Variants in NPC1 observed in about 807,000 individuals in gnomAD.
The protein encoded by NPC1 is Niemann-Pick C1 protein.
In NPC1, 85 loss-of-function variants were observed where a neutral mutation model predicts 140.4. That is an observed-to-expected ratio of 0.61 (90% CI 0.51 to 0.72). NPC1 has a LOEUF of 0.72. Ranked by LOEUF, NPC1 falls within the 30% of genes least tolerant of loss-of-function variation. The probability of loss-of-function intolerance (pLI) is 0.00; values close to 1 mark genes in which losing one functional copy is unlikely to be tolerated. For synonymous variants in NPC1, 656 were observed against 624.8 expected, an observed-to-expected ratio of 1.05 and a Z score of -0.74; for missense variants, 1,504 against 1,623.8, an observed-to-expected ratio of 0.93 and a Z score of 1.27.
chr18:23,580,159 T>C (rs1003521430), intron 1 of NPC1, among the ~76,000 whole-genome samples: 3 of 152,190 alleles, frequency 2.0e-5, no homozygotes, highest in South Asian at 2.1e-4. Flanking sequence ...TCAGATACTC[T>C]ATGCAGTAGC....
intron 1 of NPC1, chr18:23,524,175 G>C: frequency 6.2e-7 from 1 of 1,613,566 alleles, no homozygotes; most frequent in African/African-American, 1.3e-5. Context: ...TGTAAACTCT[G>C]TATCCTTTAC....
chr18:23,553,352 C>T (rs1005236874), intron 9 of NPC1, among the ~76,000 whole-genome samples: 6 of 152,094 alleles, frequency 3.9e-5, no homozygotes, highest in African/African-American at 9.7e-5. Flanking sequence ...TCGTCTGCAC[C>T]GTCTACCCTG....
chr18:23,507,045 A>G, intron 3 of NPC1: 8 of 1,602,434 alleles, frequency 5.0e-6, no homozygotes, highest in Non-Finnish European at 6.8e-6. Flanking sequence ...AGAGGACCTC[A>G]AAGACTGTGG....
At chr18:23,581,189 G>GT (rs1192645362) in intron 1 of NPC1, among the ~76,000 whole-genome samples, 1 of 152,214 alleles carries the variant, frequency 6.6e-6, no homozygotes, top group Non-Finnish European at 1.5e-5. Flanking sequence ...ACTGTCTGCA[G>GT]TTTTTTCCCT....
At chr18:23,550,162 C>T (rs1371584229) in intron 10 of NPC1, among the ~76,000 whole-genome samples, 1 of 151,994 alleles carries the variant, frequency 6.6e-6, no homozygotes, top group African/African-American at 2.4e-5. Context: ...CAAGCATGCA[C>T]CACCATGCCC....
At chr18:23,548,686 A>T (rs2058824598) in intron 10 of NPC1, among the ~76,000 whole-genome samples, 1 of 152,178 alleles carries the variant, frequency 6.6e-6, no homozygotes, top group Non-Finnish European at 1.5e-5. Flanking sequence ...CCAACTGATG[A>T]GTAGTTTTGC....
chr18:23,544,058 ACACATGAT>A (rs2058749281), intron 13 of NPC1, among the ~76,000 whole-genome samples: 2 of 152,334 alleles, frequency 1.3e-5, no homozygotes, highest in East Asian at 3.9e-4. Context: ...CCCTTCTTGT[ACACATGAT>A]ACTATTTAAA....
chr18:23,542,961 C>T (rs2058731978), intron 14 of NPC1, among the ~76,000 whole-genome samples: 1 of 152,186 alleles, frequency 6.6e-6, no homozygotes, highest in African/African-American at 2.4e-5. Flanking sequence ...TGCAAAATCA[C>T]ACCTAAGTTA....
rs1369855004 is a variant in NPC1, at chr18:23,585,678, G to A, written c.57+609C>T. ...GGAGTCAGCAGGACACCGAGTTCCA[G>A]GCCCCATCCTGTCGCTGGCTAATAG... On this transcript the variant is annotated intron_variant, in intron 1 of 24. Coordinates refer to ENST00000269228, the MANE Select transcript of NPC1 (RefSeq NM_000271.5). Among the ~76,000 whole-genome samples the A allele has an allele frequency of 2.0e-5, 3 of 152,152 alleles. No individual in the cohort carries two copies. The East Asian group carries it at 5.8e-4, about 29-fold the overall frequency.
chr18:23,586,404 C>T lies in NPC1; in HGVS notation c.-61G>A. 1 of 1,528,520 alleles carries T rather than the reference C, an allele frequency of 6.5e-7. No homozygotes were observed. The allele number at this position is 1,528,520 out of a possible 1,614,324, so 94.7% of individuals were successfully genotyped here. On this transcript the variant is annotated 5_prime_UTR_variant, in exon 1 of 25. Coordinates refer to ENST00000269228, the MANE Select transcript of NPC1 (RefSeq NM_000271.5). Reference sequence around the variant, plus strand: ...TTCGGCTGGTTGGGCTCCCCGGAGGCGGCTCTACTTCCCCGGGCTGTTTCA... The same window carrying T: ...TTCGGCTGGTTGGGCTCCCCGGAGGTGGCTCTACTTCCCCGGGCTGTTTCA...
exon 2 of NPC1, chr18:23,522,488 T>G (rs1261817043): frequency 6.6e-6 from 1 of 152,216 alleles, no homozygotes; most frequent in African/African-American, 2.4e-5. Context: ...TTAATGATAT[T>G]TTTTAAGCTC....
chr18:23,576,597 G>A (rs1043050318), intron 1 of NPC1: 2 of 562,472 alleles, frequency 3.6e-6, no homozygotes, highest in African/African-American at 4.1e-5. Flanking sequence ...GACCCTGGCG[G>A]TGAGCGTTAC....
At chr18:23,557,727 C>G (rs1266143369) in intron 6 of NPC1, among the ~76,000 whole-genome samples, 1 of 151,720 alleles carries the variant, frequency 6.6e-6, no homozygotes. Context: ...GGTGACAGAG[C>G]AAGACTCCAT....
intron 23 of NPC1, chr18:23,534,095 T>C (rs1301611469): frequency 2.7e-5 from 12 of 452,100 alleles, no homozygotes; most frequent in African/African-American, 4.0e-5. Flanking sequence ...TAAGCCAGGG[T>C]GTAGAGTTGA....
At chr18:23,529,454 A>G (rs563062557), downstream of NPC1, 40 of 1,303,314 alleles carry the variant, frequency 3.1e-5, no homozygotes, top group Middle Eastern at 8.2e-4. Flanking sequence ...TTTGGCTTCT[A>G]ATGCTGAGGC....
intron 5 of NPC1, 26 bp from the exon 6 acceptor site, chr18:23,560,506 C>A: frequency 6.2e-7 from 1 of 1,612,846 alleles, no homozygotes; most frequent in Non-Finnish European, 8.5e-7. Flanking sequence ...GTGTTGAGTA[C>A]AAATCTCAAT....
At chr18:23,534,143 C>T (rs776639954) in intron 23 of NPC1, 10 of 511,738 alleles carry the variant, frequency 2.0e-5, no homozygotes, top group African/African-American at 9.6e-5. Flanking sequence ...GCACATCACA[C>T]GCTGGGTTCT....
intron 22 of NPC1, among the ~76,000 whole-genome samples, chr18:23,535,189 T>C (rs898148723): frequency 6.6e-6 from 1 of 152,066 alleles, no homozygotes; most frequent in African/African-American, 2.4e-5. Context: ...GGTATACTAG[T>C]ATAGCCGCAA....
chr18:23,536,005 C>CA lies in NPC1; in HGVS notation c.3246-306dup, dbSNP rs61583208. On this transcript the variant is annotated intron_variant, in intron 21 of 24. Coordinates refer to ENST00000269228, the MANE Select transcript of NPC1 (RefSeq NM_000271.5). ...CATTCCACAGCATTCTGAAAAAACA[C>CA]AAAAAAACAAAGAATCCTGATCTAT... 0.012 allele frequency among the ~76,000 whole-genome samples: 1,805 copies of CA among 152,106 alleles called. 36 individuals are homozygous for CA. Among genetic ancestry groups the CA allele is most frequent in the African/African-American group, 0.041 (1,717 of 41,474 alleles).
Sources: gnomAD v4.1 joint callset for allele counts (sites outside exome capture counted in the v4.1 genomes callset) on GRCh38, gnomAD v4.1.1 for gene constraint, MANE v1.5 for transcripts, NCBI Gene and HGNC (gene_info 2026-07-23, HGNC 2026-07-21) for gene names.